The following TLN2 variants were observed in gnomAD, a reference collection of about 807,000 sequenced individuals.
The protein encoded by TLN2 is talin-2.
TLN2 carries 118 observed loss-of-function variants against 294.7 expected under a neutral mutation model. The observed-to-expected ratio is 0.40, with a 90% CI of 0.34 to 0.47. The LOEUF (loss-of-function observed/expected upper bound fraction) is 0.47, where lower values mean the gene tolerates loss of function less well. TLN2 is among the 20% of genes least tolerant of loss of function. The pLI, the probability that TLN2 is intolerant of heterozygous loss-of-function variation, is 0.84. For synonymous variants in TLN2, 1,431 were observed against 1,304.5 expected, an observed-to-expected ratio of 1.10 and a Z score of -2.09; for missense variants, 3,083 against 3,282.2, an observed-to-expected ratio of 0.94 and a Z score of 1.48.
intron 25 of TLN2, among the ~76,000 whole-genome samples, chr15:62,721,227 TTATA>T: frequency 6.6e-6 from 1 of 152,366 alleles, no homozygotes; most frequent in African/African-American, 2.4e-5. Flanking sequence ...AAACTTCATG[TTATA>T]ACATTGCTCT....
intron 3 of TLN2, among the ~76,000 whole-genome samples, chr15:62,641,198 G>A (rs2051049412): frequency 6.6e-6 from 1 of 152,134 alleles, no homozygotes; most frequent in Admixed American, 6.5e-5. Flanking sequence ...TGCCTGTTAG[G>A]TTATCTAGTA....
At chr15:62,722,654 C>G (rs1049263519) in intron 26 of TLN2, among the ~76,000 whole-genome samples, 167 bp downstream of exon 26, 1 of 152,202 alleles carries the variant, frequency 6.6e-6, no homozygotes, top group Non-Finnish European at 1.5e-5. Flanking sequence ...TTGCATTAAG[C>G]CACTATCTCC....
chr15:62,695,223 G>A (rs2058241880), intron 14 of TLN2, among the ~76,000 whole-genome samples: 1 of 152,164 alleles, frequency 6.6e-6, no homozygotes, highest in South Asian at 2.1e-4. Context: ...TGTAATGACT[G>A]TTCTTGTATG....
At chr15:62,814,421 G>A (rs2066925438) in intron 52 of TLN2, among the ~76,000 whole-genome samples, 1 of 151,756 alleles carries the variant, frequency 6.6e-6, no homozygotes, top group African/African-American at 2.4e-5. Context: ...AATCTAGTTA[G>A]TCTCCCTCAG....
chr15:62,755,104 G>A (rs1047205503), intron 36 of TLN2: 3 of 154,424 alleles, frequency 1.9e-5, no homozygotes, highest in African/African-American at 7.2e-5. Flanking sequence ...AAATATTTTG[G>A]ATATACCAAG....
chr15:62,513,621 C>T (rs1386599916), intron 1 of TLN2, among the ~76,000 whole-genome samples: 1 of 152,154 alleles, frequency 6.6e-6, no homozygotes, highest in East Asian at 1.9e-4. Flanking sequence ...TGAAATGGCC[C>T]ATCATTCTTC....
At chr15:62,468,756 A>AAAT (rs1555412498) in intron 1 of TLN2, among the ~76,000 whole-genome samples, 12 of 96,988 alleles carry the variant, frequency 1.2e-4, no homozygotes, top group Non-Finnish European at 1.6e-4. Flanking sequence ...AAAAAAAAAT[A>AAAT]AAAATAAAAA....
intron 52 of TLN2, among the ~76,000 whole-genome samples, chr15:62,817,540 A>G (rs1008277356): frequency 8.5e-5 from 13 of 152,348 alleles, no homozygotes; most frequent in African/African-American, 2.6e-4. Context: ...GTGCGTACGC[A>G]TAATGTCATC....
At chr15:62,622,365 G>C (rs185015513) in intron 3 of TLN2, among the ~76,000 whole-genome samples, 113 of 152,252 alleles carry the variant, frequency 7.4e-4, no homozygotes, top group African/African-American at 2.6e-3. Context: ...TCTGCTTTCA[G>C]CCATGTAATT....
intron 2 of TLN2, among the ~76,000 whole-genome samples, chr15:62,605,892 A>G (rs540961145): frequency 2.0e-5 from 3 of 152,152 alleles, no homozygotes; most frequent in Non-Finnish European, 4.4e-5. Context: ...GCCTGGTACC[A>G]CAATCAGGGG....
chr15:62,588,665 C>CATATATAT (rs3055752), intron 1 of TLN2, among the ~76,000 whole-genome samples: 36 of 71,442 alleles, frequency 5.0e-4, no homozygotes, highest in East Asian at 1.3e-3. Context: ...ACATTTTTTT[C>CATATATAT]ATATATATAT....
intron 1 of TLN2, among the ~76,000 whole-genome samples, chr15:62,560,413 A>G (rs2042859392): frequency 6.6e-6 from 1 of 152,002 alleles, no homozygotes; most frequent in Admixed American, 6.6e-5. Flanking sequence ...TATGGAAGTC[A>G]TGTTCTCTAG....
intron 1 of TLN2, among the ~76,000 whole-genome samples, chr15:62,473,181 T>C (rs1015554919): frequency 4.6e-5 from 7 of 152,146 alleles, no homozygotes; most frequent in Non-Finnish European, 8.8e-5. Context: ...TGAAAGTGTA[T>C]TTATAGATGG....
At position 62,447,120 on chromosome 15, in the gene TLN2, T is replaced by A. The variant is rs137965202; in HGVS notation, c.-238+56435T>A. ...CCATAATGAACGCATAGCTGCATAATCTTTGGTTTCCCAGACTTTGTTCAA... is the reference window on the plus strand; with the variant it reads ...CCATAATGAACGCATAGCTGCATAAACTTTGGTTTCCCAGACTTTGTTCAA... On this transcript the variant is annotated intron_variant, in intron 1 of 58. Coordinates refer to ENST00000636159, the MANE Select transcript of TLN2 (RefSeq NM_015059.3). Among the ~76,000 whole-genome samples, 78 of 152,274 alleles carry A rather than the reference T, an allele frequency of 5.1e-4. 2 individuals are homozygous for A. In the East Asian group the frequency reaches 0.012, roughly 24 times the overall value.
intron 53 of TLN2, among the ~76,000 whole-genome samples, 157 bp from the exon 54 acceptor site, chr15:62,820,329 G>A (rs1398818537): frequency 2.2e-5 from 3 of 137,780 alleles, no homozygotes. Flanking sequence ...CCCCCATCCA[G>A]ATGGCCTTTA....
intron 1 of TLN2, among the ~76,000 whole-genome samples, chr15:62,466,570 G>A (rs1428422637): frequency 6.6e-6 from 1 of 152,214 alleles, no homozygotes; most frequent in Non-Finnish European, 1.5e-5. Context: ...TTGCTTTAGA[G>A]GACTTATGAT....
At chr15:62,460,719 CTCTT>C (rs2036752944) in intron 1 of TLN2, among the ~76,000 whole-genome samples, 1 of 152,174 alleles carries the variant, frequency 6.6e-6, no homozygotes, top group African/African-American at 2.4e-5. Flanking sequence ...AATGTTTTCT[CTCTT>C]TGCAATGAAG....
At chr15:62,474,921 A>G (rs902102277) in intron 1 of TLN2, among the ~76,000 whole-genome samples, 1 of 147,572 alleles carries the variant, frequency 6.8e-6, no homozygotes, top group Non-Finnish European at 1.5e-5. Context: ...ATGCTAATGG[A>G]AAAAAAAAAA....
intron 1 of TLN2, among the ~76,000 whole-genome samples, chr15:62,450,543 ATGTATGTGTGTGTGTGTG>A (rs1317680793): frequency 6.7e-4 from 37 of 55,162 alleles, no homozygotes; most frequent in African/African-American, 2.1e-3. Flanking sequence ...GTATGTATGT[ATGTATGTGTGTGTGTGTG>A]TGTGTGTGTG....
Sources: allele counts gnomAD v4.1 joint callset (sites outside exome capture counted in the v4.1 genomes callset), GRCh38; gene constraint gnomAD v4.1.1; transcripts MANE v1.5; gene names NCBI Gene and HGNC (gene_info 2026-07-23, HGNC 2026-07-21).